AKAP12: variants seen among roughly 807,000 people sequenced by gnomAD.
AKAP12 encodes A-kinase anchor protein 12.
In AKAP12, 32 loss-of-function variants were observed where a neutral mutation model predicts 79.9. The ratio of observed to expected loss-of-function variants is 0.40; its 90% CI spans 0.30 to 0.54. The LOEUF is 0.54. AKAP12 is among the 20% of genes least tolerant of loss of function. The probability of loss-of-function intolerance (pLI) is 0.48; values close to 1 mark genes in which losing one functional copy is unlikely to be tolerated. For synonymous variants in AKAP12, 808 were observed against 857.0 expected (o/e 0.94, Z 1.00); for missense variants, 2,074 against 2,177.0 (o/e 0.95, Z 0.94).
intron 2 of AKAP12, among the ~76,000 whole-genome samples, chr6:151,288,985 C>T (rs1353909326): frequency 6.6e-6 from 1 of 152,204 alleles, no homozygotes; most frequent in Non-Finnish European, 1.5e-5. Context: ...ATGGAAAATG[C>T]ACTTGTGTAA....
chr6:151,346,899 T>C (rs996631464), intron 3 of AKAP12, among the ~76,000 whole-genome samples: 20 of 152,258 alleles, frequency 1.3e-4, no homozygotes, highest in Admixed American at 9.2e-4. Flanking sequence ...ACATTTCTTT[T>C]TTCCTTAAAG....
chr6:151,278,808 C>T (rs543260023), intron 2 of AKAP12, among the ~76,000 whole-genome samples: 7 of 152,152 alleles, frequency 4.6e-5, no homozygotes, highest in African/African-American at 1.4e-4. Flanking sequence ...GCTGGGAGTA[C>T]AGGCACCTGC....
chr6:151,241,328 G>C (rs879643075), intron 2 of AKAP12, among the ~76,000 whole-genome samples: 1 of 152,246 alleles, frequency 6.6e-6, no homozygotes, highest in African/African-American at 2.4e-5. Context: ...AGCTCGCTCA[G>C]AGCCAGGAAA....
intron 3 of AKAP12, chr6:151,324,727 C>T: frequency 1.0e-6 from 1 of 985,308 alleles, no homozygotes; most frequent in East Asian, 1.1e-4. Context: ...ACCCAGGGGA[C>T]CTAACGGACC....
At chr6:151,325,092 A>G (rs1166157354) in intron 3 of AKAP12, 1 of 985,332 alleles carries the variant, frequency 1.0e-6, no homozygotes, top group East Asian at 1.1e-4. Context: ...GAACAAGTTC[A>G]CTTCTGAGAG....
intron 3 of AKAP12, among the ~76,000 whole-genome samples, chr6:151,310,290 G>A (rs1037712976): frequency 2.0e-5 from 3 of 152,068 alleles, no homozygotes; most frequent in Admixed American, 6.5e-5. Flanking sequence ...GCTTGAACCC[G>A]GAGGCGGAGG....
Position 151,351,475 on chromosome 6 carries a change from C to T in AKAP12, c.3084C>T (p.Gly1028=), listed in dbSNP as rs1434035188. Residue 1028 remains glycine, a synonymous_variant, in exon 4 of 5, where the codon GGC becomes GGT. Transcript: ENST00000402676. The surrounding 1 kb of genome is among the most constrained non-coding windows in gnomAD (Gnocchi z 4.4). ...EATPVQEVEG[G]VPDIEEQERR... ...CTCCGGTGCAGGAGGTGGAAGGTGG[C>T]GTACCTGACATAGAAGAGCAAGAGA... 7.4e-6 allele frequency: 12 copies of T among 1,614,010 alleles called. No individual in the cohort carries two copies. The highest frequency in any genetic ancestry group is 1.7e-5 in the Admixed American group (1 of 59,988).
rs1342044357 is a variant in AKAP12 at position 151,248,901 on chromosome 6, C to T, written c.162+8177C>T. Among the ~76,000 whole-genome samples the T allele has an allele frequency of 2.0e-5, 3 of 151,976 alleles. No individual in the cohort carries two copies. In the East Asian group the frequency reaches 5.8e-4, roughly 29 times the overall value. On this transcript the variant is annotated intron_variant, in intron 2 of 4. Coordinates refer to ENST00000402676, the MANE Select transcript of AKAP12 (RefSeq NM_005100.4). ...ACTCGGGAGGCTGAGGCAGGAGAAT[C>T]GCTTGAACCTAGGAGGTGGAGGTTG...
At chr6:151,333,296 T>G (rs970883828) in intron 3 of AKAP12, among the ~76,000 whole-genome samples, 1 of 152,044 alleles carries the variant, frequency 6.6e-6, no homozygotes, top group Non-Finnish European at 1.5e-5. Context: ...CTCCCTTCAC[T>G]CCCAGCAGTG....
At chr6:151,322,416 C>G (rs1777419601) in intron 3 of AKAP12, among the ~76,000 whole-genome samples, 1 of 152,124 alleles carries the variant, frequency 6.6e-6, no homozygotes, top group Non-Finnish European at 1.5e-5. Flanking sequence ...ATTCAAGACC[C>G]TTTATAAATA....
At chr6:151,323,553 C>CAA (rs11391078) in intron 3 of AKAP12, among the ~76,000 whole-genome samples, 63 of 135,024 alleles carry the variant, frequency 4.7e-4, no homozygotes, top group East Asian at 1.9e-3. Context: ...GACTCCATCT[C>CAA]AAAAAAAAAA....
chr6:151,244,987 C>T (rs1350068413), intron 2 of AKAP12, among the ~76,000 whole-genome samples: 2 of 152,190 alleles, frequency 1.3e-5, no homozygotes, highest in East Asian at 3.9e-4. Flanking sequence ...AAATGTGCAT[C>T]CTCTTTGGGT....
At chr6:151,347,950 T>C (rs575607814) in intron 3 of AKAP12, among the ~76,000 whole-genome samples, 3 of 151,508 alleles carry the variant, frequency 2.0e-5, no homozygotes, top group African/African-American at 7.3e-5. Flanking sequence ...GGTGGGTGGA[T>C]CACGAGGTCA....
intron 3 of AKAP12, among the ~76,000 whole-genome samples, chr6:151,332,040 T>TGTTTTTTG (rs879372000): frequency 1.4e-5 from 2 of 139,372 alleles, no homozygotes; most frequent in Admixed American, 1.4e-4. Flanking sequence ...TCTGTTTTTT[T>TGTTTTTTG]TTTTTTTTTT....
chr6:151,352,577 C>A lies in AKAP12; in HGVS notation c.4186C>A (p.Pro1396Thr). The A allele has an allele frequency of 6.2e-7, 1 of 1,614,114 alleles. No homozygotes were observed. The highest frequency in any genetic ancestry group is 8.5e-7 in the Non-Finnish European group (1 of 1,180,026). Residue 1396 changes from proline to threonine, a missense_variant, in exon 4 of 5, where the codon CCT becomes ACT. Physicochemically the swap from Pro to Thr is conservative, Grantham distance 38. This residue lies in a region of AKAP12 where 614 missense variants were observed against 665.6 expected (regional missense o/e 0.92). Coordinates refer to ENST00000402676, the MANE Select transcript of AKAP12 (RefSeq NM_005100.4). ...AKEVSSLEGSPPPCLGQEEAV... is the reference protein window; with the variant it reads ...AKEVSSLEGSTPPCLGQEEAV... ...GGAAGTCAGCAGTTTGGAAGGAAGC[C>A]CTCCTCCCTGCCTAGGTCAAGAGGA...
chr6:151,269,862 A>T (rs1209574760), intron 2 of AKAP12, among the ~76,000 whole-genome samples: 6 of 152,198 alleles, frequency 3.9e-5, no homozygotes, highest in African/African-American at 1.4e-4. Context: ...CATACCCAGT[A>T]GCCGTCACTC....
chr6:151,272,912 G>A (rs1164125730), intron 2 of AKAP12, among the ~76,000 whole-genome samples: 1 of 152,098 alleles, frequency 6.6e-6, no homozygotes, highest in Non-Finnish European at 1.5e-5. Flanking sequence ...ATTAGATTCA[G>A]GCTGGACATT....
At chr6:151,345,003 T>C (rs1778051838) in intron 3 of AKAP12, among the ~76,000 whole-genome samples, 1 of 152,194 alleles carries the variant, frequency 6.6e-6, no homozygotes. Context: ...TGGGGAAGCA[T>C]TCTATATTTC....
intron 3 of AKAP12, among the ~76,000 whole-genome samples, chr6:151,308,154 T>C (rs1230495633): frequency 6.6e-6 from 1 of 151,674 alleles, no homozygotes; most frequent in Non-Finnish European, 1.5e-5. Context: ...GGATTACAGG[T>C]GTGAGCCGCC....
Sources: gnomAD v4.1 joint callset for allele counts (sites outside exome capture counted in the v4.1 genomes callset) on GRCh38, gnomAD v4.1.1 for gene constraint, gnomAD v4.1.1 regional missense constraint, Gnocchi (gnomAD v3.1) non-coding constraint, MANE v1.5 for transcripts, NCBI Gene and HGNC (gene_info 2026-07-23, HGNC 2026-07-21) for gene names.